The following CDYL variants were observed in gnomAD, a reference collection of about 807,000 sequenced individuals.
CDYL encodes chromodomain Y-like protein.
In CDYL, 8 loss-of-function variants were observed where a neutral mutation model predicts 47.3. The observed-to-expected ratio is 0.17, with a 90% CI of 0.10 to 0.31. The LOEUF is 0.31. CDYL is among the 10% of genes least tolerant of loss of function. The probability of loss-of-function intolerance (pLI) is 1.00; values close to 1 mark genes in which losing one functional copy is unlikely to be tolerated. For missense variants in CDYL, 471 were observed against 701.4 expected, an observed-to-expected ratio of 0.67 and a Z score of 3.71; for synonymous variants, 266 against 265.0, an observed-to-expected ratio of 1.00 and a Z score of -0.04.
At chr6:4,908,071 G>T (rs1311062232) in intron 2 of CDYL, among the ~76,000 whole-genome samples, 3 of 152,214 alleles carry the variant, frequency 2.0e-5, no homozygotes, top group Admixed American at 1.3e-4. Context: ...TGTACTTGGT[G>T]TGGACCCCTG....
chr6:4,773,611 A>T (rs1243949543), upstream of CDYL, among the ~76,000 whole-genome samples: 1 of 152,218 alleles, frequency 6.6e-6, no homozygotes, highest in African/African-American at 2.4e-5. The surrounding 1 kb of genome is among the most constrained non-coding windows in gnomAD (Gnocchi z 4.6). Context: ...GCATTCCATA[A>T]ATCAGTGAGT....
At chr6:4,768,317 A>G (rs1263178743) in intron 3 of CDYL, among the ~76,000 whole-genome samples, 3 of 152,226 alleles carry the variant, frequency 2.0e-5, no homozygotes, top group Admixed American at 6.5e-5. Context: ...AACAAAGAGG[A>G]ACCAAGGCTC....
At chr6:4,763,338 G>T (rs1024743926) in intron 3 of CDYL, among the ~76,000 whole-genome samples, 2 of 152,158 alleles carry the variant, frequency 1.3e-5, no homozygotes, top group African/African-American at 2.4e-5. Context: ...AGTTAAATAT[G>T]TAGGTGACTC....
chr6:4,786,299 G>T (rs948045909), intron 1 of CDYL, among the ~76,000 whole-genome samples: 2 of 152,118 alleles, frequency 1.3e-5, no homozygotes, highest in East Asian at 3.9e-4. Flanking sequence ...TATTTACCAA[G>T]GAGCTCTTCT....
intron 2 of CDYL, among the ~76,000 whole-genome samples, chr6:4,721,172 ATTATT>A (rs1379008396): frequency 2.6e-5 from 4 of 152,194 alleles, no homozygotes; most frequent in African/African-American, 4.8e-5. Flanking sequence ...ACAATAAACT[ATTATT>A]TTAACTGCCT....
Position 4,892,428 on chromosome 6 carries a change from C to T in CDYL, c.691+49C>T, listed in dbSNP as rs762040143. ...GGCTCCGTGGTGATCCCAGAGGGCT[C>T]GGGTCCTTCTCTAGAGATCAGGCCT... On this transcript the variant is annotated intron_variant, in intron 2 of 6. Transcript: ENST00000397588. The T allele has an allele frequency of 3.6e-5, 55 of 1,528,106 alleles. No individual in the cohort carries two copies. In the East Asian group the frequency reaches 9.0e-4, roughly 25 times the overall value. The allele number at this position is 1,528,106 out of a possible 1,614,324, so 94.7% of individuals were successfully genotyped here. A position where few individuals can be genotyped will look rare whatever the true frequency, so the allele number is the denominator to read the frequency against.
chr6:4,794,193 C>T (rs779033580), intron 1 of CDYL, among the ~76,000 whole-genome samples: 25 of 151,810 alleles, frequency 1.6e-4, no homozygotes, highest in Non-Finnish European at 2.9e-4. Context: ...ATAGAGCTTG[C>T]GGGGAGATAA....
intron 2 of CDYL, among the ~76,000 whole-genome samples, chr6:4,919,832 C>T (rs576077321): frequency 6.6e-6 from 1 of 152,054 alleles, no homozygotes; most frequent in East Asian, 1.9e-4. Flanking sequence ...TTAAAATGAC[C>T]ACATGATGCA....
intron 1 of CDYL, among the ~76,000 whole-genome samples, chr6:4,847,235 A>G (rs1435804461): frequency 6.6e-6 from 1 of 152,200 alleles, no homozygotes; most frequent in Non-Finnish European, 1.5e-5. Flanking sequence ...GCCCTGGTGC[A>G]TCAAAGTTGA....
intron 3 of CDYL, among the ~76,000 whole-genome samples, chr6:4,758,370 A>ATATATATATATATATATATATC (rs140149693): frequency 2.2e-5 from 3 of 137,762 alleles, no homozygotes; most frequent in African/African-American, 5.7e-5. Flanking sequence ...ATATATATAT[A>ATATATATATATATATATATATC]TCTCTTTGTG....
intron 1 of CDYL, chr6:4,836,244 C>G (rs1268979601): frequency 1.0e-6 from 1 of 984,386 alleles, no homozygotes; most frequent in Non-Finnish European, 1.2e-6. Flanking sequence ...GCTTAGGTTT[C>G]TAAGTCAGCC....
intron 1 of CDYL, among the ~76,000 whole-genome samples, chr6:4,850,822 A>G (rs1371229522): frequency 6.6e-6 from 1 of 152,240 alleles, no homozygotes; most frequent in African/African-American, 2.4e-5. Flanking sequence ...ATATTTAACA[A>G]AAATTTTCAA....
chr6:4,895,756 A>T (rs1045790607), intron 2 of CDYL, among the ~76,000 whole-genome samples: 4 of 152,050 alleles, frequency 2.6e-5, no homozygotes, highest in Admixed American at 6.6e-5. Flanking sequence ...TTGCGCTTTC[A>T]CCACATGTGA....
intron 1 of CDYL, chr6:4,836,319 ATTAT>A (rs1561661497): frequency 2.1e-6 from 2 of 945,368 alleles, no homozygotes; most frequent in Non-Finnish European, 2.5e-6. Context: ...GTGAGTTTTA[ATTAT>A]TTATTTTATA....
intron 2 of CDYL, among the ~76,000 whole-genome samples, chr6:4,729,080 A>C (rs193102863): frequency 2.0e-5 from 3 of 152,068 alleles, no homozygotes; most frequent in Non-Finnish European, 4.4e-5. Flanking sequence ...CTCTCTGCCT[A>C]CTCAGCCCAG....
intron 1 of CDYL, among the ~76,000 whole-genome samples, chr6:4,816,259 T>TTA (rs1465141825): frequency 2.0e-5 from 3 of 151,876 alleles, no homozygotes; most frequent in African/African-American, 7.3e-5. Context: ...CCTGTTTTTT[T>TTA]TTTTTGTCAA....
intron 1 of CDYL, among the ~76,000 whole-genome samples, chr6:4,868,363 C>A (rs2127471912): frequency 6.6e-6 from 1 of 151,674 alleles, no homozygotes; most frequent in Admixed American, 6.6e-5. Context: ...TGACTGATGG[C>A]TTCTTTTTTA....
intron 6 of CDYL, 42 bp from the exon 7 acceptor site, chr6:4,953,856 C>T: frequency 6.3e-7 from 1 of 1,580,394 alleles, no homozygotes; most frequent in Non-Finnish European, 8.6e-7. Context: ...CCGTGTCTGC[C>T]CGCATGCACC....
chr6:4,771,705 TTC>T (rs765592793), upstream of CDYL, among the ~76,000 whole-genome samples: 11 of 152,158 alleles, frequency 7.2e-5, no homozygotes, highest in African/African-American at 2.7e-4. Context: ...TGCCTAGTTG[TTC>T]TCTCTCTCTC....
Sources: gnomAD v4.1 joint callset for allele counts (sites outside exome capture counted in the v4.1 genomes callset) on GRCh38, gnomAD v4.1.1 for gene constraint, Gnocchi (gnomAD v3.1) non-coding constraint, MANE v1.5 for transcripts, NCBI Gene and HGNC (gene_info 2026-07-23, HGNC 2026-07-21) for gene names.